Variants in SGCZ observed in about 807,000 individuals in gnomAD.
SGCZ encodes zeta-sarcoglycan.
A neutral mutation model predicts 41.3 loss-of-function variants in SGCZ; 40 were observed. The observed-to-expected ratio is 0.97, with a 90% confidence interval of 0.75 to 1.26. The LOEUF (loss-of-function observed/expected upper bound fraction) is 1.26. Ranked by LOEUF, SGCZ falls within the 50% of genes most tolerant of loss-of-function variation. The pLI, the probability that SGCZ is intolerant of heterozygous loss-of-function variation, is 0.00. For missense variants in SGCZ, 552 were observed against 369.8 expected (o/e 1.49, Z -4.04); for synonymous variants, 206 against 137.5 (o/e 1.50, Z -3.49).
chr8:14,883,817 A>G (rs990908224), intron 1 of SGCZ, among the ~76,000 whole-genome samples: 1 of 58,624 alleles, frequency 1.7e-5, no homozygotes, highest in Non-Finnish European at 3.5e-5. Flanking sequence ...CCCTTCTTCT[A>G]TTTTGCTGTT....
chr8:14,206,720 C>G (rs1805627887), intron 4 of SGCZ, among the ~76,000 whole-genome samples: 1 of 152,184 alleles, frequency 6.6e-6, no homozygotes, highest in African/African-American at 2.4e-5. Context: ...CCTGCTATAA[C>G]TGGTAAGGGT....
intron 2 of SGCZ, among the ~76,000 whole-genome samples, chr8:14,392,159 G>GT (rs1446164801): frequency 2.0e-5 from 3 of 152,070 alleles, no homozygotes; most frequent in African/African-American, 7.2e-5. Flanking sequence ...AAAATTATCA[G>GT]TTATTTTAAT....
chr8:14,949,643 A>C (rs574481372), intron 1 of SGCZ, among the ~76,000 whole-genome samples: 1 of 152,240 alleles, frequency 6.6e-6, no homozygotes, highest in Non-Finnish European at 1.5e-5. Context: ...TGAATTCTGG[A>C]GGTCATTTTG....
intron 4 of SGCZ, among the ~76,000 whole-genome samples, chr8:14,165,558 C>T (rs1357116748): frequency 6.6e-6 from 1 of 152,044 alleles, no homozygotes; most frequent in Non-Finnish European, 1.5e-5. Flanking sequence ...CATATTATGT[C>T]CAAATTTCTT....
chr8:15,177,436 G>A (rs1800033404), intron 1 of SGCZ, among the ~76,000 whole-genome samples: 5 of 152,138 alleles, frequency 3.3e-5, no homozygotes, highest in Admixed American at 3.3e-4. Context: ...CAATTTTCCA[G>A]AATTAGTGCT....
At chr8:15,140,187 G>T (rs1322705181) in intron 1 of SGCZ, among the ~76,000 whole-genome samples, 4 of 151,906 alleles carry the variant, frequency 2.6e-5, no homozygotes, top group African/African-American at 7.3e-5. Context: ...ACCATGGTTG[G>T]CTAATTTTTT....
At chr8:15,188,636 A>G (rs1800426707) in intron 1 of SGCZ, among the ~76,000 whole-genome samples, 1 of 152,178 alleles carries the variant, frequency 6.6e-6, no homozygotes, top group African/African-American at 2.4e-5. Context: ...AAAAACGGAT[A>G]AGGATCATTT....
chr8:14,190,108 G>T (rs1805047181), intron 4 of SGCZ, among the ~76,000 whole-genome samples: 1 of 144,878 alleles, frequency 6.9e-6, no homozygotes, highest in Non-Finnish European at 1.5e-5. Context: ...CGCCTCTGGG[G>T]TTCACGCCAT....
At chr8:14,507,818 C>A (rs1282843519) in intron 2 of SGCZ, among the ~76,000 whole-genome samples, 6 of 147,734 alleles carry the variant, frequency 4.1e-5, no homozygotes, top group African/African-American at 1.5e-4. Flanking sequence ...GTTACCCAGG[C>A]TGGAGTGCAA....
At chr8:14,198,363 C>A (rs531215623) in intron 4 of SGCZ, among the ~76,000 whole-genome samples, 1 of 152,196 alleles carries the variant, frequency 6.6e-6, no homozygotes, top group South Asian at 2.1e-4. Context: ...GCAAAGCTGG[C>A]AGTTTGGTTC....
intron 1 of SGCZ, among the ~76,000 whole-genome samples, chr8:14,884,386 T>G (rs1804709299): frequency 6.6e-6 from 1 of 152,026 alleles, no homozygotes; most frequent in African/African-American, 2.4e-5. Flanking sequence ...AAATAATTAT[T>G]TATATATCAG....
At chr8:14,342,550 G>T (rs187065586) in intron 2 of SGCZ, among the ~76,000 whole-genome samples, 1,670 of 152,094 alleles carry the variant, frequency 0.011, 27 homozygotes, top group African/African-American at 0.037. Flanking sequence ...CTCCTGAACT[G>T]GTGATCCACC....
chr8:14,478,957 T>A (rs1801442511), intron 2 of SGCZ, among the ~76,000 whole-genome samples: 1 of 152,202 alleles, frequency 6.6e-6, no homozygotes, highest in Non-Finnish European at 1.5e-5. Flanking sequence ...TTCATACGGA[T>A]AAACTGTCTG....
intron 1 of SGCZ, among the ~76,000 whole-genome samples, chr8:14,821,563 T>C (rs962940043): frequency 1.6e-4 from 24 of 151,954 alleles, no homozygotes; most frequent in Non-Finnish European, 4.4e-5. Context: ...GTAAAAATTA[T>C]CAGCAAGATA....
intron 7 of SGCZ, among the ~76,000 whole-genome samples, chr8:14,097,048 C>A (rs1585130048): frequency 6.6e-6 from 1 of 151,954 alleles, no homozygotes; most frequent in African/African-American, 2.4e-5. Context: ...CAAAAAACCA[C>A]CTCCTGGATT....
intron 3 of SGCZ, among the ~76,000 whole-genome samples, chr8:14,244,515 G>A (rs1259336270): frequency 1.3e-5 from 2 of 152,114 alleles, no homozygotes; most frequent in African/African-American, 2.4e-5. Flanking sequence ...ACAGTTTGAA[G>A]TCAGGTAGCA....
At chr8:15,225,383 G>A (rs1801735066) in intron 1 of SGCZ, among the ~76,000 whole-genome samples, 1 of 152,160 alleles carries the variant, frequency 6.6e-6, no homozygotes, top group African/African-American at 2.4e-5. Context: ...AAGAAAAGAA[G>A]ATGTATTTCA....
At chr8:14,103,739 G>A (rs1802112545) in intron 6 of SGCZ, among the ~76,000 whole-genome samples, 1 of 151,992 alleles carries the variant, frequency 6.6e-6, no homozygotes, top group African/African-American at 2.4e-5. Flanking sequence ...CTGGAGGGGT[G>A]AGGTTTTGAA....
chr8:15,205,775 G>T, intron 1 of SGCZ, among the ~76,000 whole-genome samples: 1 of 152,116 alleles, frequency 6.6e-6, no homozygotes, highest in Non-Finnish European at 1.5e-5. Context: ...TATACCCAGA[G>T]GAATGTACAT....
Sources: gnomAD v4.1 joint callset for allele counts (sites outside exome capture counted in the v4.1 genomes callset) on GRCh38, gnomAD v4.1.1 for gene constraint, MANE v1.5 for transcripts, NCBI Gene and HGNC (gene_info 2026-07-23, HGNC 2026-07-21) for gene names.